Variants in DOCK1 observed in about 807,000 individuals in gnomAD.
DOCK1 encodes the protein dedicator of cytokinesis protein 1.
A neutral mutation model predicts 262.7 loss-of-function variants in DOCK1; 138 were observed. The observed-to-expected ratio is 0.53, with a 90% CI of 0.46 to 0.61. The LOEUF (loss-of-function observed/expected upper bound fraction) is 0.61, where lower values mean the gene tolerates loss of function less well. Among genes scored for constraint, DOCK1 ranks in the 20% least tolerant of loss-of-function variants. DOCK1 has a pLI of 0.00. For missense variants in DOCK1, 1,908 were observed against 2,370.7 expected, an observed-to-expected ratio of 0.80 and a Z score of 4.05; for synonymous variants, 866 against 867.4, an observed-to-expected ratio of 1.00 and a Z score of 0.03.
intron 19 of DOCK1, among the ~76,000 whole-genome samples, 160 bp downstream of exon 19, chr10:127,037,976 G>A (rs2043762239): frequency 6.6e-6 from 1 of 151,654 alleles, no homozygotes; most frequent in Admixed American, 6.6e-5. Context: ...GCTTACGCCT[G>A]TAATCTCAGC....
intron 33 of DOCK1, among the ~76,000 whole-genome samples, chr10:127,364,153 T>C (rs2064758847): frequency 6.6e-6 from 1 of 152,144 alleles, no homozygotes; most frequent in South Asian, 2.1e-4. Flanking sequence ...GGCCCAACGC[T>C]GCATACAAAC....
intron 1 of DOCK1, among the ~76,000 whole-genome samples, chr10:126,933,866 G>A (rs1183085274): frequency 6.6e-6 from 1 of 152,040 alleles, no homozygotes; most frequent in Non-Finnish European, 1.5e-5. Context: ...CTAGGCTGGA[G>A]TTCAATGGTG....
At chr10:127,359,028 C>T (rs548835288) in intron 32 of DOCK1, among the ~76,000 whole-genome samples, 4 of 152,224 alleles carry the variant, frequency 2.6e-5, no homozygotes, top group Non-Finnish European at 5.9e-5. Flanking sequence ...AGTGTGTCCT[C>T]TTTTTCTTTA....
intron 46 of DOCK1, among the ~76,000 whole-genome samples, chr10:127,420,342 G>A (rs1370151108): frequency 1.3e-5 from 2 of 152,176 alleles, no homozygotes; most frequent in East Asian, 1.9e-4. Flanking sequence ...TGTCAGAACC[G>A]GACGGATGCA....
intron 43 of DOCK1, among the ~76,000 whole-genome samples, chr10:127,413,025 A>G (rs1409211120): frequency 1.3e-5 from 2 of 152,196 alleles, no homozygotes; most frequent in African/African-American, 2.4e-5. Context: ...ACCCTCGCTA[A>G]GGGCAGTGGC....
intron 23 of DOCK1, among the ~76,000 whole-genome samples, chr10:127,078,145 TTTTAAA>T (rs2135985693): frequency 6.6e-6 from 1 of 152,318 alleles, no homozygotes; most frequent in African/African-American, 2.4e-5. Context: ...TTTATTTATG[TTTTAAA>T]TAAAGGTTAA....
intron 16 of DOCK1, among the ~76,000 whole-genome samples, chr10:127,031,215 C>G (rs1200942316): frequency 6.6e-6 from 1 of 152,200 alleles, no homozygotes; most frequent in Non-Finnish European, 1.5e-5. Flanking sequence ...CTCTTGTTTC[C>G]AGGCCCTGTT....
intron 27 of DOCK1, among the ~76,000 whole-genome samples, chr10:127,196,486 C>T (rs919249667): frequency 6.7e-6 from 1 of 148,224 alleles, no homozygotes; most frequent in Admixed American, 6.7e-5. Flanking sequence ...TTCCGCTGCT[C>T]CAGGTCCCAG....
chr10:126,942,111 G>T (rs1232488941), intron 1 of DOCK1, among the ~76,000 whole-genome samples: 7 of 151,996 alleles, frequency 4.6e-5, no homozygotes, highest in Admixed American at 2.0e-4. Flanking sequence ...TGCAAGCTCT[G>T]CCTCCCGGTT....
chr10:127,298,640 G>A (rs112507376), intron 29 of DOCK1, among the ~76,000 whole-genome samples: 3 of 152,316 alleles, frequency 2.0e-5, no homozygotes, highest in African/African-American at 7.2e-5. Context: ...GCAATGATGA[G>A]CTCAGAGCTG....
At chr10:127,334,855 C>A (rs763607549) in intron 29 of DOCK1, among the ~76,000 whole-genome samples, 11 of 152,142 alleles carry the variant, frequency 7.2e-5, no homozygotes, top group Non-Finnish European at 1.2e-4. Flanking sequence ...TGGTTGATCC[C>A]TTCCCCCTGA....
intron 36 of DOCK1, among the ~76,000 whole-genome samples, 179 bp from the exon 37 acceptor site, chr10:127,381,099 T>C (rs878992812): frequency 6.6e-6 from 1 of 152,248 alleles, no homozygotes; most frequent in East Asian, 1.9e-4. Flanking sequence ...TTTATTTTTT[T>C]CCTGAGTTTT....
chr10:127,103,278 T>C (rs944523956), intron 23 of DOCK1, among the ~76,000 whole-genome samples: 3 of 152,188 alleles, frequency 2.0e-5, no homozygotes, highest in African/African-American at 7.2e-5. Flanking sequence ...TCCTGTCCCA[T>C]GTACGTGCCA....
chr10:127,024,553 A>C, intron 14 of DOCK1, 132 bp from the exon 15 acceptor site: 7 of 684,136 alleles, frequency 1.0e-5, no homozygotes, highest in East Asian at 2.9e-5. Context: ...CTTGCTGGGA[A>C]CGTGTTCATT....
rs778825802 is a variant in DOCK1, at chr10:127,176,306, G to A, written c.2847+48542G>A. ...TAATCTGCCGGTTGGGGTCCAGGGC[G>A]TATTTCATCTCCAGGGCCAGGCAGG... On this transcript the variant is annotated intron_variant, in intron 27 of 51. Transcript: ENST00000623213. This position sits in a 1 kb window ranked among gnomAD's most constrained non-coding sequence, Gnocchi z 4.4. The A allele has an allele frequency of 3.7e-5, 60 of 1,613,996 alleles. No individual in the cohort carries two copies. The highest frequency in any genetic ancestry group is 4.5e-5 in the Non-Finnish European group (53 of 1,180,046).
chr10:127,451,233 G>A (rs1397817837), intron 51 of DOCK1, 99 bp from the exon 52 acceptor site: 26 of 1,350,058 alleles, frequency 1.9e-5, no homozygotes, highest in African/African-American at 4.4e-5. Flanking sequence ...GGATGGTTCC[G>A]GCTGAGTGGC....
At chr10:126,955,800 G>A (rs951205614) in intron 1 of DOCK1, among the ~76,000 whole-genome samples, 5 of 152,156 alleles carry the variant, frequency 3.3e-5, no homozygotes, top group Admixed American at 2.0e-4. Flanking sequence ...TGTGAAGGGC[G>A]GCTTACCACA....
chr10:126,979,245 G>T (rs368229085), intron 3 of DOCK1, among the ~76,000 whole-genome samples: 1 of 152,104 alleles, frequency 6.6e-6, no homozygotes, highest in African/African-American at 2.4e-5. Flanking sequence ...TTCCAGCCAG[G>T]CCCAAAGATA....
intron 1 of DOCK1, among the ~76,000 whole-genome samples, chr10:126,913,878 T>C (rs1280979506): frequency 1.3e-5 from 2 of 152,226 alleles, no homozygotes; most frequent in African/African-American, 4.8e-5. Flanking sequence ...TTATTAGGCA[T>C]GTCACCTTGG....
Sources: allele counts gnomAD v4.1 joint callset (sites outside exome capture counted in the v4.1 genomes callset), GRCh38; gene constraint gnomAD v4.1.1; non-coding constraint Gnocchi (gnomAD v3.1); transcripts MANE v1.5; gene names NCBI Gene and HGNC (gene_info 2026-07-23, HGNC 2026-07-21).